UBXN10: variants seen among roughly 807,000 people sequenced by gnomAD.
UBXN10 encodes UBX domain protein 10.
UBXN10 carries 6 observed loss-of-function variants against 6.9 expected under a neutral mutation model. The observed-to-expected ratio is 0.87, with a 90% CI of 0.48 to 1.72. The LOEUF (loss-of-function observed/expected upper bound fraction) is 1.72, where lower values mean the gene tolerates loss of function less well. Ranked by LOEUF, UBXN10 falls within the 40% of genes most tolerant of loss-of-function variation. UBXN10 has a pLI of 0.01. For missense variants in UBXN10, 317 were observed against 348.4 expected (o/e 0.91, Z 0.72); for synonymous variants, 131 against 135.2 (o/e 0.97, Z 0.21).
At position 20,190,725 on chromosome 1, in the gene UBXN10, G is replaced by A. The variant is rs912496162; in HGVS notation, c.164G>A (p.Gly55Asp). 5.0e-6 allele frequency: 8 copies of A among 1,613,974 alleles called. No individual in the cohort carries two copies. Among genetic ancestry groups the A allele is most frequent in the Non-Finnish European group, 6.8e-6 (8 of 1,180,040 alleles). Residue 55 changes from glycine (G) to aspartate (D), a missense_variant, in exon 2 of 2, where the codon GGC becomes GAC. Physicochemically the swap from Gly to Asp is moderately conservative, Grantham distance 94. Transcript: ENST00000375099. ...AGACCGAGTCTGCAGAAATCCCAGG[G>A]CGTGGAGGTGTGCGCTCATCATATA... ...RTRPSLQKSQ[G>D]VEVCAHHIPS...
chr1:20,184,006 A>G (rs975295855), upstream of UBXN10, among the ~76,000 whole-genome samples: 2 of 152,242 alleles, frequency 1.3e-5, no homozygotes, highest in African/African-American at 4.8e-5. Flanking sequence ...GGTCGGGCAC[A>G]AAGGCAGCAG....
At chr1:20,183,745 G>C (rs2018315360), upstream of UBXN10, among the ~76,000 whole-genome samples, 1 of 152,342 alleles carries the variant, frequency 6.6e-6, no homozygotes, top group East Asian at 1.9e-4. Context: ...TCAAGGAAGA[G>C]AGCAGGGTGG....
At position 20,190,885 on chromosome 1, in the gene UBXN10, C is replaced by T; in HGVS notation, c.324C>T (p.Ser108=). Residue 108 remains serine (S), a synonymous_variant, in exon 2 of 2, where the codon TCC becomes TCT. Transcript: ENST00000375099. ...ELQQQVPTGA[S]SSLNKYPVLP... is the part of the protein sequence containing the mutation. ...AGCAGCAAGTACCCACTGGGGCTTC[C>T]TCTTCTCTCAATAAGTATCCAGTCC... 6.2e-7 allele frequency: 1 copy of T among 1,614,108 alleles called. No individual in the cohort carries two copies. Among genetic ancestry groups the T allele is most frequent in the Non-Finnish European group, 8.5e-7 (1 of 1,180,040 alleles).
upstream of UBXN10, among the ~76,000 whole-genome samples, chr1:20,185,376 G>A (rs754875145): frequency 1.3e-4 from 20 of 152,170 alleles, no homozygotes; most frequent in Admixed American, 7.9e-4. Context: ...TGAGAATGCC[G>A]AGGTAATGGG....
rs571347074 is a variant in UBXN10, at chr1:20,191,386, T to C, written c.825T>C (p.Asp275=). Reference sequence around the variant, plus strand: ...CTGTGCTGGGCATCTCACTGGAAGATGGGGAAGGGTGGCCCTGAGTCCACA... The same window carrying C: ...CTGTGCTGGGCATCTCACTGGAAGACGGGGAAGGGTGGCCCTGAGTCCACA... ...HKSVLGISLE[D]GEGWP Residue 275 remains aspartate (D), a synonymous_variant, in exon 2 of 2, where the codon GAT becomes GAC. Transcript: ENST00000375099. The surrounding 1 kb of genome is among the most constrained non-coding windows in gnomAD (Gnocchi z 4.5). 3.7e-6 allele frequency: 6 copies of C among 1,610,250 alleles called. No individual in the cohort carries two copies. The African/African-American group carries it at 6.7e-5, about 18-fold the overall frequency.
chr1:20,186,530 C>G (rs561934734), intron 1 of UBXN10: 1 of 152,334 alleles, frequency 6.6e-6, no homozygotes, highest in Non-Finnish European at 1.5e-5. Context: ...GCCCCTCCCC[C>G]AGTCCTGTGC....
chr1:20,192,946 A>G lies in UBXN10; in HGVS notation c.*1542A>G, dbSNP rs1274366548. ...CCCACACTGCCCAGATCATTCTAGA[A>G]TAGGTTATTTCTGAATGTTTTATAG... On this transcript the variant is annotated 3_prime_UTR_variant, in exon 2 of 2. Transcript: ENST00000375099. The G allele has an allele frequency of 1.2e-5, 2 of 167,094 alleles. No homozygotes were observed. The highest frequency in any genetic ancestry group is 4.8e-5 in the African/African-American group (2 of 41,462). The allele number at this position is 167,094 out of a possible 1,614,324, so 10.4% of individuals were successfully genotyped here.
chr1:20,194,702 G>T lies in UBXN10; in HGVS notation c.*3298G>T, dbSNP rs559771753. The T allele has an allele frequency of 6.0e-6, 1 of 167,076 alleles. No individual in the cohort carries two copies. Among genetic ancestry groups the T allele is most frequent in the Non-Finnish European group, 1.5e-5 (1 of 68,106 alleles). 10.3% of individuals were successfully genotyped at this position (167,076 alleles called of 1,614,324 possible). A position where few individuals can be genotyped will look rare whatever the true frequency, so the allele number is the denominator to read the frequency against. On this transcript the variant is annotated 3_prime_UTR_variant, in exon 2 of 2. Coordinates refer to ENST00000375099, the MANE Select transcript of UBXN10 (RefSeq NM_152376.5). ...AAGCCACCCTGCCTCTTGGGACAAA[G>T]ATGTTTCTCTTTACTTAGTTTTAAA... is the stretch of plus-strand genomic sequence containing the variant.
rs374311880 is a variant in UBXN10 at position 20,195,558 on chromosome 1, C to T, written c.*4154C>T. 1.2e-5 allele frequency: 2 copies of T among 167,110 alleles called. No homozygotes were observed. Among genetic ancestry groups the T allele is most frequent in the Non-Finnish European group, 2.9e-5 (2 of 68,132 alleles). The allele number at this position is 167,110 out of a possible 1,614,324, so 10.4% of individuals were successfully genotyped here. A position where few individuals can be genotyped will look rare whatever the true frequency, so the allele number is the denominator to read the frequency against. On this transcript the variant is annotated 3_prime_UTR_variant, in exon 2 of 2. Coordinates refer to ENST00000375099, the MANE Select transcript of UBXN10 (RefSeq NM_152376.5). ...GGATAGTTTGACAAGTTGGGATTCA[C>T]CCAGGTGGACTTAGCTTGACCAATA...
chr1:20,191,690 A>G lies in UBXN10; in HGVS notation c.*286A>G, dbSNP rs1047286830. ...GCAGTGATCATGACTTCTCCTTTCC[A>G]GAGTTTTGGGTCCTTCTGAATTAAT... On this transcript the variant is annotated 3_prime_UTR_variant, in exon 2 of 2. Coordinates refer to ENST00000375099, the MANE Select transcript of UBXN10 (RefSeq NM_152376.5). This position sits in a 1 kb window ranked among gnomAD's most constrained non-coding sequence, Gnocchi z 4.5. The G allele has an allele frequency of 2.7e-6, 1 of 370,998 alleles. No individual in the cohort carries two copies. The highest frequency in any genetic ancestry group is 5.1e-6 in the Non-Finnish European group (1 of 197,824). 23.0% of individuals were successfully genotyped at this position (370,998 alleles called of 1,614,324 possible).
chr1:20,191,394 G>T lies in UBXN10; in HGVS notation c.833G>T (p.Gly278Val), dbSNP rs757626931. The change falls in exon 2 of 2, where the codon GGG (glycine) becomes GTG (valine). Residue 278 changes from glycine to valine, a missense_variant. By Grantham distance (109) the Gly-to-Val change is moderately radical (BLOSUM62 -3). Transcript: ENST00000375099. This position sits in a 1 kb window ranked among gnomAD's most constrained non-coding sequence, Gnocchi z 4.5. ...GGCATCTCACTGGAAGATGGGGAAG[G>T]GTGGCCCTGAGTCCACAGCCACCCA... ...VLGISLEDGE[G>V]WP The T allele has an allele frequency of 1.9e-6, 3 of 1,608,760 alleles. No individual in the cohort carries two copies. The highest frequency in any genetic ancestry group is 1.1e-5 in the South Asian group (1 of 90,854).
intron 1 of UBXN10, among the ~76,000 whole-genome samples, chr1:20,186,920 C>T (rs1364185007): frequency 6.6e-6 from 1 of 151,954 alleles, no homozygotes; most frequent in Non-Finnish European, 1.5e-5. Context: ...GGGATGGCAA[C>T]GGATAGGATT....
At position 20,191,034 on chromosome 1, in the gene UBXN10, CAAGTG is replaced by C. The variant is rs767402327; in HGVS notation, c.477_481del (p.Ser159ArgfsTer44). The C allele has an allele frequency of 4.6e-5, 74 of 1,613,984 alleles. No individual in the cohort carries two copies. The highest frequency in any genetic ancestry group is 3.8e-4 in the East Asian group (17 of 44,884). Reference sequence around the variant, plus strand: ...CAAGACGAGACGGGCACCATGAAGACAAGTGAAGAAGATTCCAGAGCTCGAGCTTG... The same window carrying C: ...CAAGACGAGACGGGCACCATGAAGACAAGAAGATTCCAGAGCTCGAGCTTG... On this transcript the variant is annotated frameshift_variant, in exon 2 of 2. Transcript: ENST00000375099. LOFTEE classifies it low-confidence loss of function (END_TRUNC). The surrounding 1 kb of genome is among the most constrained non-coding windows in gnomAD (Gnocchi z 4.5).
upstream of UBXN10, chr1:20,186,069 C>G (rs1028419570): frequency 6.6e-6 from 1 of 151,920 alleles, no homozygotes; most frequent in Non-Finnish European, 1.5e-5. Context: ...TGGCCCCCCA[C>G]CCTGCGGCGT....
chr1:20,185,199 G>T (rs777474202), upstream of UBXN10, among the ~76,000 whole-genome samples: 5 of 152,144 alleles, frequency 3.3e-5, no homozygotes, highest in Non-Finnish European at 7.3e-5. Context: ...GTTGGGGATG[G>T]AAGTGCAGGG....
At position 20,193,488 on chromosome 1, in the gene UBXN10, G is replaced by A. The variant is rs573009850; in HGVS notation, c.*2084G>A. ...TTTTTTTTTGGACAAAAGATGATAC[G>A]ATAAAAACCAACTTGTGTGAAACTG... is the stretch of plus-strand genomic sequence containing the variant. On this transcript the variant is annotated 3_prime_UTR_variant, in exon 2 of 2. Coordinates refer to ENST00000375099, the MANE Select transcript of UBXN10 (RefSeq NM_152376.5). 5 of 166,908 alleles carry A rather than the reference G, an allele frequency of 3.0e-5. No homozygotes were observed. The highest frequency in any genetic ancestry group is 7.3e-5 in the African/African-American group (3 of 41,366). 10.3% of individuals were successfully genotyped at this position (166,908 alleles called of 1,614,324 possible).
chr1:20,191,227 A>G lies in UBXN10; in HGVS notation c.666A>G (p.Gln222=). The change falls in exon 2 of 2, where the codon CAA becomes CAG. Residue 222 remains glutamine, a synonymous_variant. Transcript: ENST00000375099. The surrounding 1 kb of genome is among the most constrained non-coding windows in gnomAD (Gnocchi z 4.5). ...VRHFRPTDDL[Q]TIVAVAEQKN... ...ATTTCCGGCCAACAGATGATTTGCAAACCATTGTTGCTGTGGCCGAACAGA... is the reference window on the plus strand; with the variant it reads ...ATTTCCGGCCAACAGATGATTTGCAGACCATTGTTGCTGTGGCCGAACAGA... The G allele has an allele frequency of 1.2e-6, 2 of 1,614,208 alleles. No individual in the cohort carries two copies. The highest frequency in any genetic ancestry group is 4.5e-5 in the East Asian group (2 of 44,882).
In UBXN10 at chr1:20,194,906, C is replaced by G. The variant is rs1433351814; in HGVS notation, c.*3502C>G. On this transcript the variant is annotated 3_prime_UTR_variant, in exon 2 of 2. Transcript: ENST00000375099. The stretch of plus-strand genomic sequence containing the variant: ...GTTTTCTCAGTCCATTAAGGCAACA[C>G]CCCACAGTAAAGTTAAAAGTTCACG... The G allele has an allele frequency of 6.0e-6, 1 of 167,124 alleles. No individual in the cohort carries two copies. The highest frequency in any genetic ancestry group is 2.4e-5 in the African/African-American group (1 of 41,458). 10.4% of individuals were successfully genotyped at this position (167,124 alleles called of 1,614,324 possible). A position where few individuals can be genotyped will look rare whatever the true frequency, so the allele number is the denominator to read the frequency against.
chr1:20,184,997 A>G (rs1278072360), upstream of UBXN10, among the ~76,000 whole-genome samples: 4 of 152,080 alleles, frequency 2.6e-5, no homozygotes, highest in Non-Finnish European at 5.9e-5. Context: ...TACAAAAAAT[A>G]ATAAAAATTA....
Sources: gnomAD v4.1 joint callset for allele counts (sites outside exome capture counted in the v4.1 genomes callset) on GRCh38, gnomAD v4.1.1 for gene constraint, Gnocchi (gnomAD v3.1) non-coding constraint, MANE v1.5 for transcripts, NCBI Gene and HGNC (gene_info 2026-07-23, HGNC 2026-07-21) for gene names.